Variants in PKHD1 observed in about 807,000 individuals in gnomAD.
PKHD1 encodes PKHD1 ciliary IPT domain containing fibrocystin/polyductin.
Under a neutral mutation model 412.0 loss-of-function variants are expected in PKHD1, and 291 were observed. The ratio of observed to expected loss-of-function variants is 0.71; its 90% CI spans 0.64 to 0.78. PKHD1 has a LOEUF of 0.78. PKHD1 is among the 30% of genes least tolerant of loss of function. The pLI, the probability that PKHD1 is intolerant of heterozygous loss-of-function variation, is 0.00. For synonymous variants in PKHD1, 1,777 were observed against 1,821.5 expected, an observed-to-expected ratio of 0.98 and a Z score of 0.62; for missense variants, 4,825 against 4,950.7, an observed-to-expected ratio of 0.97 and a Z score of 0.76.
intron 64 of PKHD1, among the ~76,000 whole-genome samples, chr6:51,637,348 C>G (rs1378196163): frequency 1.3e-5 from 2 of 152,112 alleles, no homozygotes; most frequent in African/African-American, 2.4e-5. Flanking sequence ...TGTTATGAAC[C>G]TGTACTTATG....
Position 52,073,496 on chromosome 6 carries a change from T to G in PKHD1, c.494A>C (p.Glu165Ala), listed in dbSNP as rs1302500833. 12 of 1,609,534 alleles carry G rather than the reference T, an allele frequency of 7.5e-6. No individual in the cohort carries two copies. The highest frequency in any genetic ancestry group is 1.7e-5 in the Admixed American group (1 of 59,982). ...GTACTCAGCATCAAAATCAAAAGTTTCCAATCTTCCAGTGATAATCCAGCC... is the reference window on the plus strand; with the variant it reads ...GTACTCAGCATCAAAATCAAAAGTTGCCAATCTTCCAGTGATAATCCAGCC... Reference protein sequence around the residue: ...VYGWIITGRLETFDFDAEYID... With the variant: ...VYGWIITGRLATFDFDAEYID... The change falls in exon 7 of 67, where the codon GAA becomes GCA. Residue 165 changes from glutamate (E) to alanine (A), a missense_variant. By Grantham distance (107) the Glu-to-Ala change is moderately radical (BLOSUM62 -1). Coordinates refer to ENST00000371117, the MANE Select transcript of PKHD1 (RefSeq NM_138694.4).
intron 52 of PKHD1, among the ~76,000 whole-genome samples, chr6:51,807,637 G>C (rs578221385): frequency 6.6e-6 from 1 of 151,734 alleles, no homozygotes; most frequent in South Asian, 2.1e-4. Context: ...GTAAGAATGA[G>C]TGACTGCTGT....
Position 51,616,565 on chromosome 6 carries a change from C to CTA in PKHD1, c.*2514_*2515dup. 1 of 373,552 alleles carries CTA rather than the reference C, an allele frequency of 2.7e-6. No individual in the cohort carries two copies. The highest frequency in any genetic ancestry group is 4.7e-6 in the Non-Finnish European group (1 of 211,448). 23.1% of individuals were successfully genotyped at this position (373,552 alleles called of 1,614,324 possible). A position where few individuals can be genotyped will look rare whatever the true frequency, so the allele number is the denominator to read the frequency against. ...TTTAGGAGAAAGAGGAGTAGCTTAA[C>CTA]TATGGGTTGAGGAATTTTAGCTAGA... On this transcript the variant is annotated 3_prime_UTR_variant, in exon 67 of 67. Coordinates refer to ENST00000371117, the MANE Select transcript of PKHD1 (RefSeq NM_138694.4).
rs1404513514 is a variant in PKHD1 at position 52,055,635 on chromosome 6, A to C, written c.1788T>G (p.Leu596=). 3 of 1,613,876 alleles carry C rather than the reference A, an allele frequency of 1.9e-6. No individual in the cohort carries two copies. The highest frequency in any genetic ancestry group is 2.5e-6 in the Non-Finnish European group (3 of 1,179,896). ...AGCCCTTCTGGGCAGCCGGGGGAGTAAGGACAAGGTGTCGAGGCTGACGGA... is the reference window on the plus strand; with the variant it reads ...AGCCCTTCTGGGCAGCCGGGGGAGTCAGGACAAGGTGTCGAGGCTGACGGA... ...FSLRQPRHLV[L]TPPAAQKGYR... The change falls in exon 19 of 67, where the codon CTT becomes CTG. Residue 596 remains leucine (L), a synonymous_variant. Coordinates refer to ENST00000371117, the MANE Select transcript of PKHD1 (RefSeq NM_138694.4).
At chr6:51,655,418 G>A (rs1771656459) in intron 61 of PKHD1, among the ~76,000 whole-genome samples, 1 of 152,056 alleles carries the variant, frequency 6.6e-6, no homozygotes, top group Non-Finnish European at 1.5e-5. Flanking sequence ...CTGATAGGGT[G>A]CTCCTTATGC....
At chr6:51,818,684 T>C (rs1467951561) in intron 52 of PKHD1, among the ~76,000 whole-genome samples, 1 of 152,238 alleles carries the variant, frequency 6.6e-6, no homozygotes, top group African/African-American at 2.4e-5. Flanking sequence ...ATTTCCCAGC[T>C]TCCTTTCCAG....
At chr6:51,671,988 T>A (rs912863688) in intron 60 of PKHD1, among the ~76,000 whole-genome samples, 1 of 152,338 alleles carries the variant, frequency 6.6e-6, no homozygotes, top group South Asian at 2.1e-4. Flanking sequence ...TTAGAATTTT[T>A]GTCAAATGTG....
In PKHD1 at chr6:52,058,341, C is replaced by A; in HGVS notation, c.1494G>T (p.Gln498His). The A allele has an allele frequency of 1.2e-6, 2 of 1,614,188 alleles. No individual in the cohort carries two copies. Among genetic ancestry groups the A allele is most frequent in the Non-Finnish European group, 1.7e-6 (2 of 1,180,026 alleles). The change falls in exon 16 of 67, where the codon CAG (glutamine) becomes CAT (histidine). Residue 498 changes from glutamine (Q) to histidine (H), a missense_variant. Gln to His is a conservative substitution (Grantham distance 24, BLOSUM62 0). Transcript: ENST00000371117. Reference sequence around the variant, plus strand: ...CACAGACCTGTACTTCTGGAAGCCTCTGGGCTCGGACTCGGATCTGGTGCT... The same window carrying A: ...CACAGACCTGTACTTCTGGAAGCCTATGGGCTCGGACTCGGATCTGGTGCT... ...REKHQIRVRAQRLPEVQVLNV... is the reference protein window; with the variant it reads ...REKHQIRVRAHRLPEVQVLNV...
chr6:51,631,797 T>C (rs1337813363), intron 65 of PKHD1, among the ~76,000 whole-genome samples: 1 of 152,004 alleles, frequency 6.6e-6, no homozygotes. Flanking sequence ...AATTAAAAAA[T>C]GGCATCCACT....
chr6:51,842,432 C>T (rs564800740), intron 50 of PKHD1, among the ~76,000 whole-genome samples: 3 of 152,296 alleles, frequency 2.0e-5, no homozygotes, highest in South Asian at 2.1e-4. Flanking sequence ...TATAAAAGGA[C>T]AGGGTCAAAA....
chr6:51,622,346 T>C (rs920415005), intron 66 of PKHD1: 1 of 152,162 alleles, frequency 6.6e-6, no homozygotes, highest in Non-Finnish European at 1.5e-5. Flanking sequence ...CCTGTTCATA[T>C]TTTTTGAGCC....
At position 52,043,621 on chromosome 6, in the gene PKHD1, A is replaced by G. The variant is rs1258875669; in HGVS notation, c.2821+4T>C. 2 of 1,598,824 alleles carry G rather than the reference A, an allele frequency of 1.3e-6. No individual in the cohort carries two copies. Among genetic ancestry groups the G allele is most frequent in the South Asian group, 1.1e-5 (1 of 90,764 alleles). ...CCATCTCAGAGCCAAGTGACAAATCATACCAATGGAGTACCACACAGAATG... is the reference window on the plus strand; with the variant it reads ...CCATCTCAGAGCCAAGTGACAAATCGTACCAATGGAGTACCACACAGAATG... On this transcript the variant is annotated splice_donor_region_variant and intron_variant, in intron 26 of 66. Transcript: ENST00000371117.
At chr6:51,671,318 CCT>C (rs1312336436) in intron 60 of PKHD1, among the ~76,000 whole-genome samples, 1 of 152,102 alleles carries the variant, frequency 6.6e-6, no homozygotes, top group Non-Finnish European at 1.5e-5. Flanking sequence ...TCACTGATAC[CCT>C]GTCTTCCAGT....
intron 8 of PKHD1, 47 bp from the exon 9 acceptor site, chr6:52,071,117 C>CCAGAAGAT (rs1234275535): frequency 5.6e-6 from 7 of 1,243,386 alleles, no homozygotes; most frequent in Non-Finnish European, 8.3e-6. Context: ...CAACTCACTA[C>CCAGAAGAT]CAGAAGATCT....
At chr6:51,838,867 CTA>C (rs1048434809) in intron 50 of PKHD1, among the ~76,000 whole-genome samples, 9 of 152,164 alleles carry the variant, frequency 5.9e-5, no homozygotes, top group African/African-American at 1.9e-4. Context: ...ATCATACTAT[CTA>C]TCTCATATGG....
intron 54 of PKHD1, among the ~76,000 whole-genome samples, chr6:51,774,181 C>T (rs1057218385): frequency 6.6e-6 from 1 of 151,618 alleles, no homozygotes; most frequent in Non-Finnish European, 1.5e-5. Flanking sequence ...CATTTCCAAT[C>T]ATCAAAGGTT....
At chr6:51,758,115 G>GAATTATTAAAATTATTAAA (rs1483755934) in intron 55 of PKHD1, among the ~76,000 whole-genome samples, 3 of 151,266 alleles carry the variant, frequency 2.0e-5, no homozygotes, top group Non-Finnish European at 4.4e-5. Context: ...AATGTTCTAG[G>GAATTATTAAAATTATTAAA]AATTATTAAA....
chr6:51,889,914 T>C (rs1374669131), intron 43 of PKHD1, among the ~76,000 whole-genome samples: 1 of 152,036 alleles, frequency 6.6e-6, no homozygotes, highest in African/African-American at 2.4e-5. Context: ...GATAGAGACC[T>C]AGAAATCAGG....
At chr6:52,076,180 A>T in intron 6 of PKHD1, 96 bp downstream of exon 6, 1 of 815,002 alleles carries the variant, frequency 1.2e-6, no homozygotes, top group Non-Finnish European at 2.2e-6. Flanking sequence ...AGAAGAAGTT[A>T]AATTTTCCCA....
Sources: allele counts gnomAD v4.1 joint callset (sites outside exome capture counted in the v4.1 genomes callset), GRCh38; gene constraint gnomAD v4.1.1; transcripts MANE v1.5; gene names NCBI Gene and HGNC (gene_info 2026-07-23, HGNC 2026-07-21).